The following PCDHGB1 variants were observed in gnomAD, a reference collection of about 807,000 sequenced individuals.
PCDHGB1 encodes the protein protocadherin gamma-B1.
A neutral mutation model predicts 56.6 loss-of-function variants in PCDHGB1; 34 were observed. The observed-to-expected ratio is 0.60, with a 90% confidence interval of 0.46 to 0.80. The LOEUF is 0.80. Ranked by LOEUF, PCDHGB1 falls within the 30% of genes least tolerant of loss-of-function variation. The pLI is 0.00. For synonymous variants in PCDHGB1, 561 were observed against 505.9 expected (o/e 1.11, Z -1.46); for missense variants, 1,278 against 1,204.6 (o/e 1.06, Z -0.90).
Position 141,432,124 on chromosome 5 carries a change from C to G in PCDHGB1, c.2410-62683C>G, listed in dbSNP as rs1286909667. On this transcript the variant is annotated intron_variant, in intron 1 of 3. Transcript: ENST00000523390. The surrounding 1 kb of genome is among the most constrained non-coding windows in gnomAD (Gnocchi z 6.0). ...ACAACCCGCCGGTCTTCCCTCAGGC[C>G]TCCTATTCCGCTTATATCCCAGAGA... 6.2e-7 allele frequency: 1 copy of G among 1,614,156 alleles called. No homozygotes were observed. The highest frequency in any genetic ancestry group is 1.1e-5 in the South Asian group (1 of 91,066).
chr5:141,402,880 A>G (rs886365174), intron 1 of PCDHGB1: 2 of 1,474,944 alleles, frequency 1.4e-6, no homozygotes, highest in Non-Finnish European at 1.8e-6. Flanking sequence ...CATACTTTGC[A>G]GGGTGGAAGA....
intron 2 of PCDHGB1, among the ~76,000 whole-genome samples, chr5:141,503,100 G>A (rs563699751): frequency 6.6e-6 from 1 of 151,592 alleles, no homozygotes; most frequent in South Asian, 2.1e-4. Context: ...TGGTCTGCCC[G>A]CCCCTGCCTC....
intron 1 of PCDHGB1, among the ~76,000 whole-genome samples, chr5:141,402,771 G>A (rs2094306356): frequency 6.6e-6 from 1 of 152,218 alleles, no homozygotes; most frequent in African/African-American, 2.4e-5. Context: ...ACTCCATCCG[G>A]ATTTCCAGTT....
chr5:141,356,740 C>A, intron 1 of PCDHGB1: 2 of 1,614,016 alleles, frequency 1.2e-6, no homozygotes, highest in Non-Finnish European at 1.7e-6. Flanking sequence ...TACAGGGATC[C>A]TATATGCTCT....
chr5:141,392,896 G>A, intron 1 of PCDHGB1: 1 of 1,613,812 alleles, frequency 6.2e-7, no homozygotes, highest in Non-Finnish European at 8.5e-7. Flanking sequence ...GAAATCGGGA[G>A]GGGACAGATT....
intron 1 of PCDHGB1, chr5:141,371,144 T>C: frequency 6.2e-7 from 1 of 1,614,014 alleles, no homozygotes; most frequent in Non-Finnish European, 8.5e-7. Flanking sequence ...ACAGGGTCAA[T>C]GTTGCAGAGA....
intron 1 of PCDHGB1, among the ~76,000 whole-genome samples, chr5:141,449,103 A>G (rs1033077737): frequency 2.0e-5 from 3 of 152,206 alleles, no homozygotes; most frequent in African/African-American, 7.2e-5. Context: ...CATATGCAGT[A>G]TATCTTTGGG....
In PCDHGB1 at chr5:141,350,533, G is replaced by C; in HGVS notation, c.273G>C (p.Lys91Asn). 1 of 1,614,072 alleles carries C rather than the reference G, an allele frequency of 6.2e-7. No homozygotes were observed. The highest frequency in any genetic ancestry group is 8.5e-7 in the Non-Finnish European group (1 of 1,179,912). ...LLVNGRIDREKICGRKLECAL... is the reference protein window; with the variant it reads ...LLVNGRIDRENICGRKLECAL... Reference sequence around the variant, plus strand: ...TGAACGGTAGGATAGATCGAGAGAAGATTTGCGGAAGGAAACTTGAGTGTG... The same window carrying C: ...TGAACGGTAGGATAGATCGAGAGAACATTTGCGGAAGGAAACTTGAGTGTG... Residue 91 changes from lysine (K) to asparagine (N), a missense_variant, in exon 1 of 4, where the codon AAG becomes AAC. Coordinates refer to ENST00000523390, the MANE Select transcript of PCDHGB1 (RefSeq NM_018922.3).
chr5:141,362,453 A>G (rs759632771), intron 1 of PCDHGB1: 1 of 1,614,024 alleles, frequency 6.2e-7, no homozygotes, highest in South Asian at 1.1e-5. Context: ...ATAACCCCGG[A>G]ATTGGTTCCC....
At chr5:141,433,352 T>G (rs976015031) in intron 1 of PCDHGB1, 1 of 614,162 alleles carries the variant, frequency 1.6e-6, no homozygotes, top group Admixed American at 3.0e-5. Flanking sequence ...AGCCACCTAC[T>G]GTCTGCCTAT....
intron 1 of PCDHGB1, chr5:141,393,310 C>A (rs775937552): frequency 1.2e-6 from 2 of 1,613,388 alleles, no homozygotes; most frequent in African/African-American, 2.7e-5. Flanking sequence ...GGCGTGAACT[C>A]CCTCCAGAGC....
At chr5:141,360,220 C>T in intron 1 of PCDHGB1, 1 of 1,613,660 alleles carries the variant, frequency 6.2e-7, no homozygotes, top group Non-Finnish European at 8.5e-7. Context: ...CCCCGGGGCT[C>T]TCCCAGTCCA....
intron 1 of PCDHGB1, chr5:141,372,944 T>C: frequency 5.1e-6 from 4 of 788,876 alleles, no homozygotes; most frequent in Non-Finnish European, 7.7e-6. Context: ...GTAGGGTGTC[T>C]AGGAAATTCT....
chr5:141,490,908 C>T lies in PCDHGB1; in HGVS notation c.2410-3899C>T, dbSNP rs201078924. On this transcript the variant is annotated intron_variant, in intron 1 of 3. Coordinates refer to ENST00000523390, the MANE Select transcript of PCDHGB1 (RefSeq NM_018922.3). This position sits in a 1 kb window ranked among gnomAD's most constrained non-coding sequence, Gnocchi z 5.4. The stretch of plus-strand genomic sequence containing the variant: ...CATCTCTGCATGTGTTTGTCCTAGA[C>T]GAGAATGATAATGCCCCAGCTGTGC... 42 of 1,613,710 alleles carry T rather than the reference C, an allele frequency of 2.6e-5. No homozygotes were observed. The highest frequency in any genetic ancestry group is 8.3e-5 in the Admixed American group (5 of 60,018).
At position 141,423,201 on chromosome 5, in the gene PCDHGB1, C is replaced by T. The variant is rs749613139; in HGVS notation, c.2409+70532C>T. 24 of 1,613,628 alleles carry T rather than the reference C, an allele frequency of 1.5e-5. No homozygotes were observed. The South Asian group carries it at 1.5e-4, about 10-fold the overall frequency. ...ACGGCCAGCCCCCTCTCTCGGCCAC[C>T]GTCACGCTCACCGTGGCTGTGGCCG... On this transcript the variant is annotated intron_variant, in intron 1 of 3. Coordinates refer to ENST00000523390, the MANE Select transcript of PCDHGB1 (RefSeq NM_018922.3).
At chr5:141,383,821 G>C in intron 1 of PCDHGB1, 1 of 1,613,922 alleles carries the variant, frequency 6.2e-7, no homozygotes, top group Non-Finnish European at 8.5e-7. Flanking sequence ...AGAAGGATTA[G>C]ATTATGAAGA....
intron 1 of PCDHGB1, among the ~76,000 whole-genome samples, chr5:141,472,648 C>G (rs762736307): frequency 1.3e-5 from 2 of 151,864 alleles, no homozygotes; most frequent in African/African-American, 4.8e-5. Flanking sequence ...TGTGTTGAAT[C>G]AGTATATAAA....
At position 141,487,144 on chromosome 5, in the gene PCDHGB1, C is replaced by T. The variant is rs2099640304; in HGVS notation, c.2410-7663C>T. The T allele has an allele frequency of 6.2e-7, 1 of 1,614,032 alleles. No homozygotes were observed. Among genetic ancestry groups the T allele is most frequent in the African/African-American group, 1.3e-5 (1 of 75,056 alleles). On this transcript the variant is annotated intron_variant, in intron 1 of 3. Coordinates refer to ENST00000523390, the MANE Select transcript of PCDHGB1 (RefSeq NM_018922.3). This position sits in a 1 kb window ranked among gnomAD's most constrained non-coding sequence, Gnocchi z 5.0. ...ATAGTGGTAGTCCACCACTCTCTAC[C>T]TCTGTTACTCTCTTAGTGTCCTTAG...
At position 141,486,714 on chromosome 5, in the gene PCDHGB1, CAG is replaced by C; in HGVS notation, c.2410-8092_2410-8091del. ...TCTTTCATCTCTCTGAACCCCCAGA[CAG>C]GAGCTGTTCATGCTACTCGATCCTT... On this transcript the variant is annotated intron_variant, in intron 1 of 3. Coordinates refer to ENST00000523390, the MANE Select transcript of PCDHGB1 (RefSeq NM_018922.3). This position sits in a 1 kb window ranked among gnomAD's most constrained non-coding sequence, Gnocchi z 5.0. 1 of 1,614,216 alleles carries C rather than the reference CAG, an allele frequency of 6.2e-7. No homozygotes were observed. Among genetic ancestry groups the C allele is most frequent in the Non-Finnish European group, 8.5e-7 (1 of 1,180,034 alleles).
Sources: allele counts gnomAD v4.1 joint callset (sites outside exome capture counted in the v4.1 genomes callset), GRCh38; gene constraint gnomAD v4.1.1; non-coding constraint Gnocchi (gnomAD v3.1); transcripts MANE v1.5; gene names NCBI Gene and HGNC (gene_info 2026-07-23, HGNC 2026-07-21).